Variants in NCK2 observed in about 807,000 individuals in gnomAD.
The protein encoded by NCK2 is cytoplasmic protein NCK2.
Under a neutral mutation model 33.9 loss-of-function variants are expected in NCK2, and 16 were observed. The observed-to-expected ratio is 0.47, with a 90% CI of 0.32 to 0.72. The LOEUF (loss-of-function observed/expected upper bound fraction) is 0.72. Ranked by LOEUF, NCK2 falls within the 30% of genes least tolerant of loss-of-function variation. The pLI is 0.03. For synonymous variants in NCK2, 273 were observed against 239.9 expected (o/e 1.14, Z -1.27); for missense variants, 418 against 537.3 (o/e 0.78, Z 2.19).
intron 1 of NCK2, among the ~76,000 whole-genome samples, chr2:105,768,344 A>G (rs1690015410): frequency 6.6e-6 from 1 of 152,016 alleles, no homozygotes; most frequent in African/African-American, 2.4e-5. Context: ...GGTGTCCCCT[A>G]ATTTGGTTCA....
chr2:105,778,999 T>A (rs931673227), intron 1 of NCK2, among the ~76,000 whole-genome samples: 1 of 152,292 alleles, frequency 6.6e-6, no homozygotes, highest in East Asian at 1.9e-4. Flanking sequence ...TAATTGAGAA[T>A]AATTTTCATT....
chr2:105,749,399 A>C (rs1689382622), intron 1 of NCK2, among the ~76,000 whole-genome samples: 1 of 152,214 alleles, frequency 6.6e-6, no homozygotes, highest in East Asian at 1.9e-4. Flanking sequence ...AGAGAATGAC[A>C]TGTACTAATG....
intron 1 of NCK2, among the ~76,000 whole-genome samples, chr2:105,772,853 A>T (rs1415209867): frequency 6.7e-6 from 1 of 149,512 alleles, no homozygotes; most frequent in Non-Finnish European, 1.5e-5. Context: ...CTTCCTTCAC[A>T]GTGTGTTCCT....
At chr2:105,784,112 T>C (rs1690591589) in intron 1 of NCK2, among the ~76,000 whole-genome samples, 2 of 152,050 alleles carry the variant, frequency 1.3e-5, no homozygotes, top group Non-Finnish European at 2.9e-5. Context: ...ACTGGGAGCT[T>C]TTCTTTTTTG....
At chr2:105,880,670 C>T (rs1678433761) in intron 3 of NCK2, among the ~76,000 whole-genome samples, 2 of 152,166 alleles carry the variant, frequency 1.3e-5, no homozygotes, top group South Asian at 4.1e-4. Flanking sequence ...AAGATATTTT[C>T]TCTGCATTTA....
At chr2:105,851,179 C>G (rs2104573423) in intron 2 of NCK2, among the ~76,000 whole-genome samples, 1 of 152,250 alleles carries the variant, frequency 6.6e-6, no homozygotes, top group South Asian at 2.1e-4. Context: ...ATGGCCATAA[C>G]TCAGCTTCAG....
At position 105,815,617 on chromosome 2, in the gene NCK2, G is replaced by A. The variant is rs944261216; in HGVS notation, c.-200-813G>A. ...GCCAGCTCTCCACAACCAGGAGGGC[G>A]CTGGTCACCTTTGTCAGGTGCCTCT... is the stretch of plus-strand genomic sequence containing the variant. On this transcript the variant is annotated intron_variant, in intron 1 of 4. Transcript: ENST00000233154. Among the ~76,000 whole-genome samples the A allele has an allele frequency of 7.9e-5, 12 of 152,298 alleles. No homozygotes were observed. In the East Asian group the frequency reaches 2.1e-3, roughly 27 times the overall value.
At chr2:105,877,993 C>G (rs1165729040) in intron 3 of NCK2, among the ~76,000 whole-genome samples, 1 of 152,220 alleles carries the variant, frequency 6.6e-6, no homozygotes, top group African/African-American at 2.4e-5. Flanking sequence ...TCTTGAATTT[C>G]ACTGCACCAG....
intron 1 of NCK2, among the ~76,000 whole-genome samples, chr2:105,753,060 A>G (rs923414205): frequency 1.3e-5 from 2 of 152,242 alleles, no homozygotes; most frequent in Non-Finnish European, 2.9e-5. Context: ...CTTAGGTTCC[A>G]CAGCTAGACT....
At chr2:105,807,557 C>G (rs775990862) in intron 1 of NCK2, among the ~76,000 whole-genome samples, 6 of 152,012 alleles carry the variant, frequency 3.9e-5, no homozygotes, top group South Asian at 2.1e-4. Context: ...TGCCTCCTTC[C>G]TAGGGTGGTG....
intron 1 of NCK2, among the ~76,000 whole-genome samples, chr2:105,763,556 T>A (rs778534616): frequency 4.6e-5 from 7 of 152,132 alleles, no homozygotes; most frequent in African/African-American, 1.2e-4. Flanking sequence ...GTGGGAAATA[T>A]TCAATTTGTT....
intron 1 of NCK2, among the ~76,000 whole-genome samples, chr2:105,774,718 A>G (rs1450847594): frequency 2.6e-5 from 4 of 152,072 alleles, no homozygotes. Flanking sequence ...GGATGACGAA[A>G]TCTGTGTTCC....
In NCK2 at chr2:105,835,363, T is replaced by TTATA. The variant is rs566542599; in HGVS notation, c.-17+18759_-17+18762dup. ...CTGGGTATAGTATTCTTGGCTGGTT[T>TTATA]TATATATATATACATATATATACAC... On this transcript the variant is annotated intron_variant, in intron 2 of 4. Transcript: ENST00000233154. Among the ~76,000 whole-genome samples the TTATA allele has an allele frequency of 3.1e-3, 145 of 46,944 alleles. 6 individuals are homozygous for TTATA. Among genetic ancestry groups the TTATA allele is most frequent in the African/African-American group, 0.011 (139 of 12,406 alleles). 30.8% of individuals were successfully genotyped at this position (46,944 alleles called of 152,430 possible). A position where few individuals can be genotyped will look rare whatever the true frequency, so the allele number is the denominator to read the frequency against.
intron 2 of NCK2, among the ~76,000 whole-genome samples, chr2:105,847,813 TTC>T (rs1451954429): frequency 6.6e-6 from 1 of 152,216 alleles, no homozygotes; most frequent in Admixed American, 6.5e-5. Flanking sequence ...GTAAAATGTA[TTC>T]TGTTAGATGC....
At chr2:105,854,814 C>T in intron 2 of NCK2, 8 of 400,132 alleles carry the variant, frequency 2.0e-5, no homozygotes, top group East Asian at 4.2e-5. Context: ...GTCAGATTTC[C>T]CCATGTACAG....
intron 2 of NCK2, among the ~76,000 whole-genome samples, chr2:105,827,577 G>C (rs1676001682): frequency 6.6e-6 from 1 of 152,160 alleles, no homozygotes; most frequent in African/African-American, 2.4e-5. Flanking sequence ...CACCCACAGA[G>C]CATTTGCCAT....
intron 1 of NCK2, among the ~76,000 whole-genome samples, chr2:105,783,071 A>T (rs976052652): frequency 6.6e-6 from 1 of 152,168 alleles, no homozygotes; most frequent in Non-Finnish European, 1.5e-5. Flanking sequence ...GGAACAAGAT[A>T]GATGGGGAAG....
intron 2 of NCK2, among the ~76,000 whole-genome samples, chr2:105,831,381 G>A (rs1436456127): frequency 6.6e-6 from 1 of 150,676 alleles, no homozygotes; most frequent in East Asian, 1.9e-4. Context: ...TGGAAAATAC[G>A]CTACAAAGCT....
chr2:105,749,397 A>T (rs73946288), intron 1 of NCK2, among the ~76,000 whole-genome samples: 13,941 of 152,252 alleles, frequency 0.092, 736 homozygotes, highest in African/African-American at 0.15. Flanking sequence ...TGAGAGAATG[A>T]CATGTACTAA....
Sources: allele counts gnomAD v4.1 joint callset (sites outside exome capture counted in the v4.1 genomes callset), GRCh38; gene constraint gnomAD v4.1.1; transcripts MANE v1.5; gene names NCBI Gene and HGNC (gene_info 2026-07-23, HGNC 2026-07-21).